The following SIGLEC1 variants were observed in gnomAD, a reference collection of about 807,000 sequenced individuals.
SIGLEC1 encodes sialic acid binding Ig like lectin 1, also known as sialoadhesin.
A neutral mutation model predicts 148.0 loss-of-function variants in SIGLEC1; 132 were observed. The observed-to-expected ratio is 0.89, with a 90% confidence interval of 0.77 to 1.03. The LOEUF is 1.03. Among genes scored for constraint, SIGLEC1 ranks in the 50% least tolerant of loss-of-function variants. SIGLEC1 has a pLI of 0.00. For synonymous variants in SIGLEC1, 945 were observed against 969.0 expected (o/e 0.98, Z 0.46); for missense variants, 2,253 against 2,271.4 (o/e 0.99, Z 0.16).
Position 3,688,556 on chromosome 20 carries a change from C to A in SIGLEC1, c.*4G>T. 1.3e-6 allele frequency: 2 copies of A among 1,595,666 alleles called. No homozygotes were observed. Among genetic ancestry groups the A allele is most frequent in the Non-Finnish European group, 1.7e-6 (2 of 1,170,272 alleles). ...CTCCTCCGGAGGGCAGGCAACACCACTGGTCAGCCCAGGGGTGGGGCACAG... is the reference window on the plus strand; with the variant it reads ...CTCCTCCGGAGGGCAGGCAACACCAATGGTCAGCCCAGGGGTGGGGCACAG... On this transcript the variant is annotated 3_prime_UTR_variant, in exon 22 of 22. Coordinates refer to ENST00000344754, the MANE Select transcript of SIGLEC1 (RefSeq NM_023068.4).
At chr20:3,702,749 A>G (rs751787915) in intron 6 of SIGLEC1, among the ~76,000 whole-genome samples, 2 of 152,216 alleles carry the variant, frequency 1.3e-5, no homozygotes, top group African/African-American at 2.4e-5. Flanking sequence ...TAACATATGC[A>G]TATGTATATA....
chr20:3,699,314 GCTGCCGGGACC>G lies in SIGLEC1; in HGVS notation c.1663_1673del (p.Gly555GlnfsTer11). 6.2e-7 allele frequency: 1 copy of G among 1,608,814 alleles called. No individual in the cohort carries two copies. The stretch of plus-strand genomic sequence containing the variant: ...TGGAGGCCGCGGGGAGCAGGAGGCT[GCTGCCGGGACC>G]CTCGTGAAGCAGGGCTCCATTCAGG... On this transcript the variant is annotated frameshift_variant, in exon 8 of 22. Coordinates refer to ENST00000344754, the MANE Select transcript of SIGLEC1 (RefSeq NM_023068.4). LOFTEE classifies it high-confidence loss of function.
intron 4 of SIGLEC1, among the ~76,000 whole-genome samples, chr20:3,704,741 C>T (rs764943458): frequency 4.6e-5 from 7 of 151,956 alleles, no homozygotes; most frequent in South Asian, 4.2e-4. Flanking sequence ...CTCAGCCTCC[C>T]GAGGAACTGG....
intron 1 of SIGLEC1, among the ~76,000 whole-genome samples, chr20:3,711,842 G>A (rs540386077): frequency 6.6e-5 from 10 of 152,286 alleles, no homozygotes; most frequent in African/African-American, 2.2e-4. Flanking sequence ...TCCTGTGGAC[G>A]GACGAAGTGG....
chr20:3,703,109 C>T, intron 6 of SIGLEC1, 88 bp downstream of exon 6: 1 of 1,558,264 alleles, frequency 6.4e-7, no homozygotes, highest in Admixed American at 1.7e-5. Context: ...TTGAAGTTCC[C>T]ATGCCCAGGA....
chr20:3,691,687 A>C, intron 17 of SIGLEC1, 87 bp from the exon 18 acceptor site: 1 of 1,511,372 alleles, frequency 6.6e-7, no homozygotes, highest in East Asian at 2.3e-5. Context: ...GGGCCTCTGC[A>C]CATTGTGGGA....
chr20:3,694,888 G>A lies in SIGLEC1; in HGVS notation c.2719C>T (p.Gln907Ter), dbSNP rs1336132900. Residue 907 changes from glutamine (Q) to a stop codon, truncating the protein, a stop_gained, in exon 12 of 22, where the codon CAA becomes TAA. Transcript: ENST00000344754. LOFTEE classifies it high-confidence loss of function. Reference protein sequence around the residue: ...WVQVSPSPELQEGQAVVLSCQ... With the variant: ...WVQVSPSPEL Reference sequence around the variant, plus strand: ...CTCAGGACCACAGCCTGGCCCTCTTGGAGCTCAGGTGATGGTGACACCTGG... The same window carrying A: ...CTCAGGACCACAGCCTGGCCCTCTTAGAGCTCAGGTGATGGTGACACCTGG... The A allele has an allele frequency of 4.3e-6, 7 of 1,613,084 alleles. No individual in the cohort carries two copies. The highest frequency in any genetic ancestry group is 5.9e-6 in the Non-Finnish European group (7 of 1,179,948).
Position 3,688,557 on chromosome 20 carries a change from T to C in SIGLEC1, c.*3A>G, listed in dbSNP as rs2088722171. The stretch of plus-strand genomic sequence containing the variant: ...TCCTCCGGAGGGCAGGCAACACCAC[T>C]GGTCAGCCCAGGGGTGGGGCACAGG... On this transcript the variant is annotated 3_prime_UTR_variant, in exon 22 of 22. Transcript: ENST00000344754. 6.3e-7 allele frequency: 1 copy of C among 1,595,998 alleles called. No homozygotes were observed. The highest frequency in any genetic ancestry group is 2.3e-5 in the East Asian group (1 of 44,282).
rs543920158 is a variant in SIGLEC1 at position 3,700,803 on chromosome 20, C to T, written c.1528+539G>A. Among the ~76,000 whole-genome samples the T allele has an allele frequency of 4.6e-5, 7 of 150,898 alleles. No homozygotes were observed. In the South Asian group the frequency reaches 1.0e-3, roughly 23 times the overall value. On this transcript the variant is annotated intron_variant, in intron 7 of 21. Coordinates refer to ENST00000344754, the MANE Select transcript of SIGLEC1 (RefSeq NM_023068.4). Reference sequence around the variant, plus strand: ...ACAACTTCCACCTCCTGGGTTCAAGCGATTCTCCTGCCTTAGCCTCCCAGG... The same window carrying T: ...ACAACTTCCACCTCCTGGGTTCAAGTGATTCTCCTGCCTTAGCCTCCCAGG...
At chr20:3,702,299 C>T (rs532270295) in intron 6 of SIGLEC1, among the ~76,000 whole-genome samples, 155 of 152,278 alleles carry the variant, frequency 1.0e-3, no homozygotes, top group African/African-American at 3.6e-3. Flanking sequence ...TAACAGTCTT[C>T]TATCAGCCAG....
At position 3,705,782 on chromosome 20, in the gene SIGLEC1, T is replaced by C; in HGVS notation, c.668A>G (p.Asn223Ser). The C allele has an allele frequency of 6.2e-7, 1 of 1,612,980 alleles. No individual in the cohort carries two copies. The highest frequency in any genetic ancestry group is 2.2e-5 in the East Asian group (1 of 44,842). The change falls in exon 4 of 22, where the codon AAT (asparagine) becomes AGT (serine). Residue 223 changes from asparagine (N) to serine (S), a missense_variant. By Grantham distance (46) the Asn-to-Ser change is conservative. Coordinates refer to ENST00000344754, the MANE Select transcript of SIGLEC1 (RefSeq NM_023068.4). ...RILRCQLSVA[N>S]HRAQSEIHLQ... The stretch of plus-strand genomic sequence containing the variant: ...GTGAATCTCGCTCTGAGCCCTGTGA[T>C]TGGCCACGGAGAGCTGGCAGCGCAG...
intron 2 of SIGLEC1, 41 bp from the exon 3 acceptor site, chr20:3,706,747 C>A (rs1257474676): frequency 1.3e-6 from 2 of 1,501,702 alleles, no homozygotes; most frequent in South Asian, 2.6e-5. Flanking sequence ...GAGGGTGATA[C>A]AGGCCTCAGG....
Position 3,693,492 on chromosome 20 carries a change from C to A in SIGLEC1, c.3463G>T (p.Gly1155Cys). Residue 1155 changes from glycine to cysteine, a missense_variant, in exon 14 of 22, where the codon GGT becomes TGT. Physicochemically the swap from Gly to Cys is radical, Grantham distance 159 (BLOSUM62 -3). Coordinates refer to ENST00000344754, the MANE Select transcript of SIGLEC1 (RefSeq NM_023068.4). ...TSYRCGVGPP[G>C]RAPRLSRPIT... ...GGTCTGGAGAGGCGGGGTGCCCGAC[C>A]AGGGGGGCCCACACCGCAGCGGTAG... 2 of 1,605,772 alleles carry A rather than the reference C, an allele frequency of 1.2e-6. No homozygotes were observed. Among genetic ancestry groups the A allele is most frequent in the Non-Finnish European group, 8.5e-7 (1 of 1,175,308 alleles).
intron 20 of SIGLEC1, 75 bp downstream of exon 20, chr20:3,689,525 T>C (rs976738593): frequency 4.8e-6 from 5 of 1,032,314 alleles, no homozygotes; most frequent in Admixed American, 2.4e-5. Context: ...CTAAAGGACC[T>C]GGGGGAATTT....
In SIGLEC1 at chr20:3,693,563, GCATCCAGGCGCTGCTGCC is replaced by G. The variant is rs1470222646; in HGVS notation, c.3374_3391del (p.Gly1125_Asp1130del). The stretch of plus-strand genomic sequence containing the variant: ...GACGTTGGGCAGGGGGATGGAGTGG[GCATCCAGGCGCTGCTGCC>G]CATCCTGGTACCATGTGTAGGTGAG... On this transcript the variant is annotated inframe_deletion, in exon 14 of 22. Transcript: ENST00000344754. 1 of 1,612,428 alleles carries G rather than the reference GCATCCAGGCGCTGCTGCC, an allele frequency of 6.2e-7. No homozygotes were observed. The highest frequency in any genetic ancestry group is 1.3e-5 in the African/African-American group (1 of 74,932).
At position 3,699,320 on chromosome 20, in the gene SIGLEC1, G is replaced by A. The variant is rs375555854; in HGVS notation, c.1668C>T (p.Pro556=). 20 of 1,608,642 alleles carry A rather than the reference G, an allele frequency of 1.2e-5. No individual in the cohort carries two copies. Among genetic ancestry groups the A allele is most frequent in the South Asian group, 5.6e-5 (5 of 89,880 alleles). The part of the protein sequence containing the change: ...YLNGALLHEG[P]GSSLLLPAAS... ...CCGCGGGGAGCAGGAGGCTGCTGCC[G>A]GGACCCTCGTGAAGCAGGGCTCCAT... is the stretch of plus-strand genomic sequence containing the variant. The change falls in exon 8 of 22, where the codon CCC becomes CCT. Residue 556 remains proline, a synonymous_variant. Transcript: ENST00000344754.
At position 3,706,387 on chromosome 20, in the gene SIGLEC1, G is replaced by T. The variant is rs1188971931; in HGVS notation, c.369C>A (p.Asn123Lys). Reference sequence around the variant, plus strand: ...AGGTGCCTTTCACATCTGACCAGCGGTTGACCTCACTGATCTCGAAGCGGA... The same window carrying T: ...AGGTGCCTTTCACATCTGACCAGCGTTTGACCTCACTGATCTCGAAGCGGA... ...YNFRFEISEV[N>K]RWSDVKGTLV... Residue 123 changes from asparagine to lysine, a missense_variant, in exon 3 of 22, where the codon AAC becomes AAA. Coordinates refer to ENST00000344754, the MANE Select transcript of SIGLEC1 (RefSeq NM_023068.4). The T allele has an allele frequency of 6.2e-7, 1 of 1,613,936 alleles. No homozygotes were observed.
Position 3,694,694 on chromosome 20 carries a change from G to A in SIGLEC1, c.2913C>T (p.Ser971=). 3 of 1,613,832 alleles carry A rather than the reference G, an allele frequency of 1.9e-6. No individual in the cohort carries two copies. The highest frequency in any genetic ancestry group is 2.5e-6 in the Non-Finnish European group (3 of 1,179,990). The part of the protein sequence containing the change: ...QAQAPGSATT[S]LAAPISLHVS... ...CGTGGAGGCTGATGGGTGCAGCTAG[G>A]CTCGTGGTGGCTGAGCCTGGGGCCT... Residue 971 remains serine, a synonymous_variant, in exon 12 of 22, where the codon AGC becomes AGT. Coordinates refer to ENST00000344754, the MANE Select transcript of SIGLEC1 (RefSeq NM_023068.4).
chr20:3,693,160 T>TCA, intron 14 of SIGLEC1, 29 bp from the exon 15 acceptor site: 2 of 1,511,496 alleles, frequency 1.3e-6, no homozygotes, highest in Non-Finnish European at 1.8e-6. Flanking sequence ...TTACACGGAG[T>TCA]CACAGGCAGC....
Sources: allele counts gnomAD v4.1 joint callset (sites outside exome capture counted in the v4.1 genomes callset), GRCh38; gene constraint gnomAD v4.1.1; transcripts MANE v1.5; gene names NCBI Gene and HGNC (gene_info 2026-07-23, HGNC 2026-07-21).